ZNF846: variants seen among roughly 807,000 people sequenced by gnomAD.
ZNF846 encodes the protein zinc finger protein 420 pseudogene.
In ZNF846, 15 loss-of-function variants were observed where a neutral mutation model predicts 16.0. The ratio of observed to expected loss-of-function variants is 0.94; its 90% CI spans 0.63 to 1.45. The LOEUF is 1.45. Among genes scored for constraint, ZNF846 ranks in the 40% most tolerant of loss-of-function variants. The probability of loss-of-function intolerance (pLI) is 0.00; values close to 1 mark genes in which losing one functional copy is unlikely to be tolerated. For missense variants in ZNF846, 714 were observed against 622.3 expected, an observed-to-expected ratio of 1.15 and a Z score of -1.57; for synonymous variants, 229 against 212.0, an observed-to-expected ratio of 1.08 and a Z score of -0.70.
At chr19:9,751,624 C>T (rs570337926), downstream of ZNF846, among the ~76,000 whole-genome samples, 2 of 149,492 alleles carry the variant, frequency 1.3e-5, no homozygotes, top group African/African-American at 4.9e-5. Context: ...TGACAATACA[C>T]CCTCCGCGCC....
intron 1 of ZNF846, among the ~76,000 whole-genome samples, chr19:9,766,792 C>T (rs1174758858): frequency 4.0e-5 from 6 of 150,898 alleles, no homozygotes; most frequent in South Asian, 2.1e-4. Flanking sequence ...TCCAGCTACT[C>T]GGGAGGCCAA....
At chr19:9,755,948 C>A (rs1196133003), downstream of ZNF846, among the ~76,000 whole-genome samples, 1 of 140,772 alleles carries the variant, frequency 7.1e-6, no homozygotes, top group East Asian at 2.3e-4. Flanking sequence ...TCACACAATT[C>A]TCCTGCCTCA....
At chr19:9,762,499 A>C in intron 3 of ZNF846, 1 of 219,822 alleles carries the variant, frequency 4.5e-6, no homozygotes, top group Non-Finnish European at 9.1e-6. Flanking sequence ...TTAGCAGGGC[A>C]TGCTGGCACA....
chr19:9,752,627 A>C (rs2045094735), downstream of ZNF846, among the ~76,000 whole-genome samples: 1 of 151,530 alleles, frequency 6.6e-6, no homozygotes, highest in Admixed American at 6.6e-5. Context: ...AAAAAAAAAA[A>C]AAAAAAAATT....
downstream of ZNF846, among the ~76,000 whole-genome samples, chr19:9,753,046 T>C (rs529100929): frequency 1.3e-5 from 2 of 151,548 alleles, no homozygotes; most frequent in South Asian, 4.1e-4. Context: ...GCCATCTTCT[T>C]GAAGTAACCA....
At chr19:9,765,307 G>A (rs977744732) in intron 1 of ZNF846, among the ~76,000 whole-genome samples, 3 of 151,988 alleles carry the variant, frequency 2.0e-5, no homozygotes, top group African/African-American at 4.8e-5. Flanking sequence ...CCTGGGAGGT[G>A]GAGATTGCGG....
intron 1 of ZNF846, among the ~76,000 whole-genome samples, chr19:9,782,067 G>C (rs188001412): frequency 4.6e-5 from 7 of 151,498 alleles, no homozygotes; most frequent in Non-Finnish European, 8.8e-5. Context: ...GTGAGCCACC[G>C]CACCCGGCCT....
chr19:9,757,476 C>T lies in ZNF846; in HGVS notation c.1601G>A (p.Ter534=), dbSNP rs201054820. 1.3e-4 allele frequency: 199 copies of T among 1,564,068 alleles called. 2 individuals carry two copies. The highest frequency in any genetic ancestry group is 1.2e-3 in the Middle Eastern group (7 of 5,810). The change falls in exon 6 of 6, where the codon TGA becomes TAA. Residue 534 remains the stop codon, a stop_retained_variant. Coordinates refer to ENST00000397902, the Ensembl canonical transcript of ZNF846. ...AAATACTAAGATCTGAGGAACACTT[C>T]AGGTTTTTTCACATGCCTTAGTTCT... is the stretch of plus-strand genomic sequence containing the variant.
chr19:9,756,345 G>GTGTGTGTATA (rs1321690890), downstream of ZNF846: 46 of 81,750 alleles, frequency 5.6e-4, no homozygotes, highest in African/African-American at 2.1e-3. Flanking sequence ...GTGTGTGTGT[G>GTGTGTGTATA]TATATATATA....
intron 1 of ZNF846, among the ~76,000 whole-genome samples, chr19:9,767,469 A>C (rs903837235): frequency 6.6e-6 from 1 of 152,144 alleles, no homozygotes; most frequent in Non-Finnish European, 1.5e-5. Context: ...AGATGCAAAG[A>C]AACAGAAAAC....
Position 9,763,413 on chromosome 19 carries a change from A to G in ZNF846, c.16-5T>C, listed in dbSNP as rs896033155. The G allele has an allele frequency of 6.3e-7, 1 of 1,589,492 alleles. No individual in the cohort carries two copies. Among genetic ancestry groups the G allele is most frequent in the African/African-American group, 1.4e-5 (1 of 73,628 alleles). ...ATCCTCAAAGGTCACTAAGTGCTAA[A>G]CCATTAAATACATGCCAGCTTCAGC... On this transcript the variant is annotated splice_region_variant and splice_polypyrimidine_tract_variant and intron_variant, in intron 2 of 5. Coordinates refer to ENST00000397902, the Ensembl canonical transcript of ZNF846.
At chr19:9,751,631 C>A (rs553063794), downstream of ZNF846, among the ~76,000 whole-genome samples, 6 of 152,116 alleles carry the variant, frequency 3.9e-5, no homozygotes, top group South Asian at 1.3e-3. Context: ...ACACCCTCCG[C>A]GCCCTTGTGA....
chr19:9,775,800 C>T (rs544754714), intron 1 of ZNF846, among the ~76,000 whole-genome samples: 1 of 152,186 alleles, frequency 6.6e-6, no homozygotes, highest in East Asian at 1.9e-4. Flanking sequence ...AAGCAAGAGA[C>T]CGAGGACACG....
Position 9,758,726 on chromosome 19 carries a change from G to T in ZNF846, c.351C>A (p.Asn117Lys), listed in dbSNP as rs1276437815. 3 of 1,598,578 alleles carry T rather than the reference G, an allele frequency of 1.9e-6. No homozygotes were observed. The Admixed American group carries it at 5.2e-5, about 28-fold the overall frequency. The change falls in exon 6 of 6, where the codon AAC becomes AAA. Residue 117 changes from asparagine (N) to lysine (K), a missense_variant. Coordinates refer to ENST00000397902, the Ensembl canonical transcript of ZNF846. ...GTTCATTGAAGACTTTTCCAGAATG[G>T]TTAGAGTCATACAGTTTCTCTGCAG... is the stretch of plus-strand genomic sequence containing the variant.
At chr19:9,749,199 C>A (rs544883813), downstream of ZNF846, among the ~76,000 whole-genome samples, 4 of 152,256 alleles carry the variant, frequency 2.6e-5, no homozygotes, top group Non-Finnish European at 5.9e-5. Context: ...CAGTAATAGC[C>A]CTTATAAACC....
upstream of ZNF846, among the ~76,000 whole-genome samples, chr19:9,769,702 G>A (rs2045372002): frequency 6.6e-6 from 1 of 152,044 alleles, no homozygotes; most frequent in South Asian, 2.1e-4. Flanking sequence ...GGGGCTGGGG[G>A]CAGTGGCTCA....
intron 1 of ZNF846, chr19:9,774,611 ATTGTTCC>A: frequency 6.7e-7 from 1 of 1,497,360 alleles, no homozygotes. Context: ...GCAAGGGCTT[ATTGTTCC>A]TGACAACTCT....
downstream of ZNF846, among the ~76,000 whole-genome samples, chr19:9,748,922 T>A (rs1178018154): frequency 6.6e-6 from 1 of 152,112 alleles, no homozygotes; most frequent in East Asian, 1.9e-4. Context: ...TCTTGCCTAC[T>A]CCAGATTCCC....
At chr19:9,770,705 T>C (rs2045382821), upstream of ZNF846, among the ~76,000 whole-genome samples, 1 of 151,646 alleles carries the variant, frequency 6.6e-6, no homozygotes, top group African/African-American at 2.4e-5. Context: ...CGGTCTCTAC[T>C]AAAAAATACA....
Sources: gnomAD v4.1 joint callset for allele counts (sites outside exome capture counted in the v4.1 genomes callset) on GRCh38, gnomAD v4.1.1 for gene constraint, MANE v1.5 for transcripts, NCBI Gene and HGNC (gene_info 2026-07-23, HGNC 2026-07-21) for gene names.